LRRC4C: variants seen among roughly 807,000 people sequenced by gnomAD.
LRRC4C encodes the protein leucine-rich repeat-containing protein 4C.
A neutral mutation model predicts 33.6 loss-of-function variants in LRRC4C; 5 were observed. That is an observed-to-expected ratio of 0.15 (90% CI 0.08 to 0.31). The LOEUF is 0.31. LRRC4C is among the 10% of genes least tolerant of loss of function. LRRC4C has a pLI of 1.00. For missense variants in LRRC4C, 560 were observed against 796.7 expected (o/e 0.70, Z 3.58); for synonymous variants, 329 against 302.0 (o/e 1.09, Z -0.93).
chr11:40,800,891 C>T (rs1951013465), intron 2 of LRRC4C, among the ~76,000 whole-genome samples: 1 of 152,142 alleles, frequency 6.6e-6, no homozygotes, highest in Non-Finnish European at 1.5e-5. Flanking sequence ...TATGAACAGC[C>T]TCATCTCTAT....
At chr11:40,311,563 T>C (rs552634202) in intron 4 of LRRC4C, among the ~76,000 whole-genome samples, 6 of 152,218 alleles carry the variant, frequency 3.9e-5, no homozygotes, top group Non-Finnish European at 8.8e-5. Flanking sequence ...AGCTGAAATA[T>C]GCTGTACAAC....
intron 4 of LRRC4C, among the ~76,000 whole-genome samples, chr11:40,251,354 C>A (rs1167603199): frequency 6.6e-6 from 1 of 151,992 alleles, no homozygotes; most frequent in Admixed American, 6.6e-5. Flanking sequence ...GTGGGTGAGG[C>A]AAAATTCACC....
At chr11:41,417,690 C>A (rs1489947017) in intron 1 of LRRC4C, among the ~76,000 whole-genome samples, 4 of 151,882 alleles carry the variant, frequency 2.6e-5, no homozygotes, top group Non-Finnish European at 4.4e-5. Flanking sequence ...GTTTTACCAA[C>A]ATCCAGCTCC....
At chr11:40,381,037 C>T (rs1010435988) in intron 3 of LRRC4C, among the ~76,000 whole-genome samples, 10 of 152,040 alleles carry the variant, frequency 6.6e-5, no homozygotes, top group Non-Finnish European at 8.8e-5. Context: ...CCCTAACAAC[C>T]GCTCAAGCAT....
chr11:40,582,535 T>A (rs76750837), intron 3 of LRRC4C, among the ~76,000 whole-genome samples: 1 of 137,650 alleles, frequency 7.3e-6, no homozygotes, highest in African/African-American at 2.7e-5. Context: ...TTTTTTTTTT[T>A]AATGGAATGT....
At chr11:40,915,720 T>C (rs1956925998) in intron 2 of LRRC4C, among the ~76,000 whole-genome samples, 1 of 152,146 alleles carries the variant, frequency 6.6e-6, no homozygotes, top group Admixed American at 6.5e-5. Flanking sequence ...CTAAAGAGCT[T>C]CTTCACAGCA....
intron 1 of LRRC4C, among the ~76,000 whole-genome samples, chr11:41,266,595 A>G (rs72894521): frequency 0.049 from 7,485 of 152,260 alleles, 240 homozygotes; most frequent in Middle Eastern, 0.1. Context: ...AAAGAGAATG[A>G]AATGTGATTA....
intron 2 of LRRC4C, among the ~76,000 whole-genome samples, chr11:40,666,166 G>C (rs974870023): frequency 6.6e-6 from 1 of 152,058 alleles, no homozygotes; most frequent in Non-Finnish European, 1.5e-5. Context: ...AAATGAACTA[G>C]AGCCTCACAA....
chr11:40,842,241 C>G lies in LRRC4C; in HGVS notation c.-407+91394G>C, dbSNP rs555528594. ...GGATTTTGAACACTACAACTCTATTCCAATTAGCTCAGCCCCATGCAGCTT... is the reference window on the plus strand; with the variant it reads ...GGATTTTGAACACTACAACTCTATTGCAATTAGCTCAGCCCCATGCAGCTT... On this transcript the variant is annotated intron_variant, in intron 2 of 6. Transcript: ENST00000528697. Among the ~76,000 whole-genome samples, 78 of 152,132 alleles carry G rather than the reference C, an allele frequency of 5.1e-4. 1 individual carries two copies. Among genetic ancestry groups the G allele is most frequent in the Non-Finnish European group, 4.1e-4 (28 of 68,026 alleles).
chr11:40,152,487 A>C (rs1858304407), intron 5 of LRRC4C, among the ~76,000 whole-genome samples: 1 of 152,198 alleles, frequency 6.6e-6, no homozygotes, highest in South Asian at 2.1e-4. Flanking sequence ...CAGACTTCAC[A>C]GGCAGGGGAA....
chr11:40,754,039 A>G (rs1262515572), intron 2 of LRRC4C, among the ~76,000 whole-genome samples: 2 of 152,000 alleles, frequency 1.3e-5, no homozygotes, highest in Non-Finnish European at 2.9e-5. Flanking sequence ...TTATTCATTT[A>G]AAAATACCAC....
chr11:40,429,659 A>C (rs1221601372), intron 3 of LRRC4C, among the ~76,000 whole-genome samples: 1 of 152,112 alleles, frequency 6.6e-6, no homozygotes, highest in African/African-American at 2.4e-5. Context: ...ATGCTCTATG[A>C]CTTTTCATCT....
At chr11:40,519,980 A>ATACAG (rs1293713738) in intron 3 of LRRC4C, among the ~76,000 whole-genome samples, 3 of 152,198 alleles carry the variant, frequency 2.0e-5, no homozygotes, top group Non-Finnish European at 2.9e-5. Flanking sequence ...GACTTTCATG[A>ATACAG]TACAGAGAAC....
At chr11:40,876,519 G>A (rs1565159289) in intron 2 of LRRC4C, among the ~76,000 whole-genome samples, 2 of 152,004 alleles carry the variant, frequency 1.3e-5, no homozygotes, top group East Asian at 3.9e-4. Flanking sequence ...GATTGCATTT[G>A]TTGAGCAGGT....
intron 5 of LRRC4C, among the ~76,000 whole-genome samples, chr11:40,215,292 T>C (rs779187130): frequency 6.6e-6 from 1 of 152,124 alleles, no homozygotes; most frequent in Non-Finnish European, 1.5e-5. Context: ...TGCTGAGAGG[T>C]ACTAAGCTAA....
intron 1 of LRRC4C, among the ~76,000 whole-genome samples, chr11:41,443,345 T>C (rs954437834): frequency 6.6e-6 from 1 of 151,922 alleles, no homozygotes; most frequent in African/African-American, 2.4e-5. Flanking sequence ...CCATTTCTAC[T>C]GAAATCCAAA....
intron 1 of LRRC4C, among the ~76,000 whole-genome samples, chr11:41,084,171 G>A (rs1395155941): frequency 6.6e-6 from 1 of 152,162 alleles, no homozygotes; most frequent in East Asian, 1.9e-4. Flanking sequence ...GCAACAAAGG[G>A]AGAAGTAATG....
intron 3 of LRRC4C, among the ~76,000 whole-genome samples, chr11:40,400,400 C>T (rs1299166887): frequency 6.6e-6 from 1 of 152,080 alleles, no homozygotes; most frequent in Non-Finnish European, 1.5e-5. Flanking sequence ...TTTAAAATTA[C>T]AATATATTTA....
intron 5 of LRRC4C, among the ~76,000 whole-genome samples, chr11:40,230,487 G>A (rs528449952): frequency 6.6e-6 from 1 of 152,316 alleles, no homozygotes; most frequent in African/African-American, 2.4e-5. Flanking sequence ...GTGTAGGCAG[G>A]CACTGAACAT....
Sources: allele counts gnomAD v4.1 joint callset (sites outside exome capture counted in the v4.1 genomes callset), GRCh38; gene constraint gnomAD v4.1.1; transcripts MANE v1.5; gene names NCBI Gene and HGNC (gene_info 2026-07-23, HGNC 2026-07-21).